The following PRKCA variants were observed in gnomAD, a reference collection of about 807,000 sequenced individuals.
PRKCA encodes protein kinase C alpha.
A neutral mutation model predicts 87.0 loss-of-function variants in PRKCA; 27 were observed. That is an observed-to-expected ratio of 0.31 (90% CI 0.23 to 0.43). The LOEUF is 0.43. Ranked by LOEUF, PRKCA falls within the 20% of genes least tolerant of loss-of-function variation. The probability of loss-of-function intolerance (pLI) is 1.00; values close to 1 mark genes in which losing one functional copy is unlikely to be tolerated. For synonymous variants in PRKCA, 329 were observed against 311.1 expected, an observed-to-expected ratio of 1.06 and a Z score of -0.61; for missense variants, 518 against 852.3, an observed-to-expected ratio of 0.61 and a Z score of 4.88.
rs1248321934 is a variant in PRKCA, at chr17:66,792,420, A to G, written c.1854+3441A>G. The stretch of plus-strand genomic sequence containing the variant: ...ATGAAAGAGTCTTCCAGAATCACTG[A>G]CTTCCCTAAGGAGGGTAGAAGCATT... On this transcript the variant is annotated intron_variant, in intron 16 of 16. Transcript: ENST00000413366. This position sits in a 1 kb window ranked among gnomAD's most constrained non-coding sequence, Gnocchi z 4.5. 2.0e-5 allele frequency among the ~76,000 whole-genome samples: 3 copies of G among 152,212 alleles called. No homozygotes were observed. Among genetic ancestry groups the G allele is most frequent in the African/African-American group, 4.8e-5 (2 of 41,458 alleles).
At chr17:66,442,337 G>A (rs1056537653) in intron 2 of PRKCA, among the ~76,000 whole-genome samples, 19 of 151,562 alleles carry the variant, frequency 1.3e-4, no homozygotes, top group Non-Finnish European at 2.4e-4. Context: ...GATTACAGGC[G>A]TGAGCCACTG....
At chr17:66,439,195 T>G (rs1000769509) in intron 2 of PRKCA, among the ~76,000 whole-genome samples, 2 of 151,602 alleles carry the variant, frequency 1.3e-5, no homozygotes, top group Non-Finnish European at 2.9e-5. Context: ...TTCTTTTTTT[T>G]ATTGAGACAG....
chr17:66,574,542 G>A (rs62071707), intron 3 of PRKCA, among the ~76,000 whole-genome samples: 24,440 of 152,036 alleles, frequency 0.16, 2,400 homozygotes, highest in African/African-American at 0.28. Context: ...AGGGACCCCC[G>A]TGGAAGCCTA....
chr17:66,529,497 C>T (rs1286461658), intron 3 of PRKCA, among the ~76,000 whole-genome samples: 2 of 152,208 alleles, frequency 1.3e-5, no homozygotes, highest in African/African-American at 4.8e-5. Context: ...CATCAAGCTT[C>T]CTTCCCATCA....
intron 2 of PRKCA, among the ~76,000 whole-genome samples, chr17:66,471,859 A>G (rs1395230428): frequency 1.3e-5 from 2 of 152,216 alleles, no homozygotes; most frequent in Non-Finnish European, 2.9e-5. Context: ...CTTCAGGGTC[A>G]CTGTGAACCA....
intron 2 of PRKCA, among the ~76,000 whole-genome samples, chr17:66,439,951 C>G (rs1913636617): frequency 6.6e-6 from 1 of 152,188 alleles, no homozygotes; most frequent in Admixed American, 6.5e-5. Flanking sequence ...GCAACTGTCT[C>G]CTTCTGCTGA....
chr17:66,714,250 C>G (rs1009821747), intron 8 of PRKCA, among the ~76,000 whole-genome samples: 1 of 151,906 alleles, frequency 6.6e-6, no homozygotes, highest in South Asian at 2.1e-4. Flanking sequence ...GGAGAATGCC[C>G]CCTTGTGAGT....
At chr17:66,464,422 TGTTTA>T (rs1027886959) in intron 2 of PRKCA, among the ~76,000 whole-genome samples, 1 of 152,164 alleles carries the variant, frequency 6.6e-6, no homozygotes, top group African/African-American at 2.4e-5. Context: ...GGAAAGAATA[TGTTTA>T]GTTTTTTAAG....
intron 5 of PRKCA, chr17:66,677,075 T>TTTTTTTTTTTTATTTATTTATTTATTTA (rs1555634533): frequency 1.4e-5 from 2 of 144,486 alleles, no homozygotes; most frequent in African/African-American, 5.2e-5. Flanking sequence ...CACAGCTTAT[T>TTTTTTTTTTTTATTTATTTATTTATTTA]TTTATTTATT....
chr17:66,314,102 T>C (rs980752323), intron 2 of PRKCA, among the ~76,000 whole-genome samples: 1 of 152,220 alleles, frequency 6.6e-6, no homozygotes, highest in African/African-American at 2.4e-5. Flanking sequence ...TGTCATGGGT[T>C]CAGATTCTAA....
chr17:66,628,864 T>C (rs1333930517), intron 3 of PRKCA, among the ~76,000 whole-genome samples: 1 of 151,962 alleles, frequency 6.6e-6, no homozygotes, highest in Non-Finnish European at 1.5e-5. Flanking sequence ...CCGTCTCTAC[T>C]AAAAATACAA....
chr17:66,382,998 A>G (rs553899644), intron 2 of PRKCA, among the ~76,000 whole-genome samples: 1 of 152,328 alleles, frequency 6.6e-6, no homozygotes, highest in South Asian at 2.1e-4. Flanking sequence ...TTTCCACATT[A>G]TACGTAACTG....
chr17:66,467,208 T>A (rs1460739425), intron 2 of PRKCA, among the ~76,000 whole-genome samples: 1 of 152,214 alleles, frequency 6.6e-6, no homozygotes, highest in Non-Finnish European at 1.5e-5. Context: ...GGCTCTCATT[T>A]AGGCCATGGC....
intron 5 of PRKCA, among the ~76,000 whole-genome samples, chr17:66,664,630 GT>G (rs67935340): frequency 0.41 from 56,656 of 137,118 alleles, 11,792 homozygotes; most frequent in East Asian, 0.5. Context: ...TTTCTTTGGG[GT>G]TTTTGTTTTG....
intron 2 of PRKCA, among the ~76,000 whole-genome samples, chr17:66,408,172 A>AAGGCAACTAT (rs554943154): frequency 7.9e-5 from 12 of 152,350 alleles, no homozygotes; most frequent in Non-Finnish European, 1.5e-4. Flanking sequence ...TAGGTTGTCC[A>AAGGCAACTAT]AGGCAACTAT....
intron 13 of PRKCA, among the ~76,000 whole-genome samples, chr17:66,756,196 T>C (rs544058301): frequency 1.3e-5 from 2 of 152,300 alleles, no homozygotes; most frequent in African/African-American, 4.8e-5. Flanking sequence ...TTGTGAAATA[T>C]GCCAGAGCAT....
intron 2 of PRKCA, among the ~76,000 whole-genome samples, chr17:66,474,993 C>A (rs1915479739): frequency 6.6e-6 from 1 of 152,134 alleles, no homozygotes; most frequent in Admixed American, 6.5e-5. Flanking sequence ...TAACCTCCAC[C>A]CTTTGTTTCT....
chr17:66,730,313 C>T (rs931558126), intron 8 of PRKCA, among the ~76,000 whole-genome samples: 3 of 151,996 alleles, frequency 2.0e-5, no homozygotes, highest in African/African-American at 7.2e-5. Flanking sequence ...TGGCTTTGGG[C>T]GGGAGGGAAT....
chr17:66,782,113 C>T (rs961605258), intron 14 of PRKCA, among the ~76,000 whole-genome samples: 2 of 151,908 alleles, frequency 1.3e-5, no homozygotes, highest in Non-Finnish European at 2.9e-5. Flanking sequence ...GGGGTTTCAC[C>T]ATGTTGGCCA....
Sources: allele counts gnomAD v4.1 joint callset (sites outside exome capture counted in the v4.1 genomes callset), GRCh38; gene constraint gnomAD v4.1.1; non-coding constraint Gnocchi (gnomAD v3.1); transcripts MANE v1.5; gene names NCBI Gene and HGNC (gene_info 2026-07-23, HGNC 2026-07-21).